The following FAT3 variants were observed in gnomAD, a reference collection of about 807,000 sequenced individuals.
FAT3 encodes FAT atypical cadherin 3.
FAT3 carries 95 observed loss-of-function variants against 310.2 expected under a neutral mutation model. The ratio of observed to expected loss-of-function variants is 0.31; its 90% CI spans 0.26 to 0.36. The LOEUF is 0.36. Ranked by LOEUF, FAT3 falls within the 10% of genes least tolerant of loss-of-function variation. The pLI is 1.00. For missense variants in FAT3, 5,408 were observed against 5,715.6 expected, an observed-to-expected ratio of 0.95 and a Z score of 1.74; for synonymous variants, 2,314 against 2,192.9, an observed-to-expected ratio of 1.06 and a Z score of -1.54.
At chr11:92,312,208 C>A (rs1397972250) in intron 1 of FAT3, among the ~76,000 whole-genome samples, 1 of 152,064 alleles carries the variant, frequency 6.6e-6, no homozygotes, top group Non-Finnish European at 1.5e-5. Context: ...CAGCTACTGC[C>A]TACAGGAATT....
intron 3 of FAT3, among the ~76,000 whole-genome samples, chr11:92,598,181 A>C (rs946042883): frequency 6.7e-6 from 1 of 149,132 alleles, no homozygotes; most frequent in African/African-American, 2.4e-5. Flanking sequence ...GGATTTTAAA[A>C]ATTTATTTTC....
intron 3 of FAT3, among the ~76,000 whole-genome samples, chr11:92,685,338 A>G (rs1019848860): frequency 6.6e-6 from 1 of 152,164 alleles, no homozygotes; most frequent in Non-Finnish European, 1.5e-5. Context: ...ACATGACACC[A>G]AAAAACATGG....
chr11:92,524,481 T>C (rs1187877314), intron 2 of FAT3, among the ~76,000 whole-genome samples, 153 bp from the exon 3 acceptor site: 1 of 152,228 alleles, frequency 6.6e-6, no homozygotes, highest in Non-Finnish European at 1.5e-5. Context: ...CATTTTCTTA[T>C]GTAAAGAGTG....
At chr11:92,637,924 C>G (rs1941826709) in intron 3 of FAT3, among the ~76,000 whole-genome samples, 1 of 152,162 alleles carries the variant, frequency 6.6e-6, no homozygotes, top group Non-Finnish European at 1.5e-5. Flanking sequence ...TCAGCAAAAG[C>G]CGCATGCTGT....
chr11:92,705,430 G>T (rs1405663742), intron 4 of FAT3, among the ~76,000 whole-genome samples: 1 of 142,244 alleles, frequency 7.0e-6, no homozygotes, highest in Non-Finnish European at 1.5e-5. Context: ...AGTGGTGGTG[G>T]TGGTGATGGT....
chr11:92,507,745 T>A (rs1953162100), intron 2 of FAT3, among the ~76,000 whole-genome samples: 1 of 151,834 alleles, frequency 6.6e-6, no homozygotes, highest in Non-Finnish European at 1.5e-5. Flanking sequence ...ATAGGATACA[T>A]ACACACCCTA....
intron 2 of FAT3, among the ~76,000 whole-genome samples, chr11:92,520,108 G>A (rs549779870): frequency 1.3e-5 from 2 of 151,924 alleles, no homozygotes; most frequent in African/African-American, 4.8e-5. Flanking sequence ...TTGGTCAGTG[G>A]TTAAAAAAAT....
rs1352292754 is a variant in FAT3 at position 92,887,033 on chromosome 11, G to T, written c.12971G>T (p.Cys4324Phe). 1 of 1,610,112 alleles carries T rather than the reference G, an allele frequency of 6.2e-7. No individual in the cohort carries two copies. The highest frequency in any genetic ancestry group is 1.3e-5 in the African/African-American group (1 of 74,916). The stretch of plus-strand genomic sequence containing the variant: ...GTTGATGACCCGGGAGAAGTGACCT[G>T]CTTTGCAGGTAGTAATAAAGGCAGC... ...KGVDDPGEVTCFAGSNKGSNS... is the reference protein window; with the variant it reads ...KGVDDPGEVTFFAGSNKGSNS... The change falls in exon 25 of 28, where the codon TGC (cysteine) becomes TTC (phenylalanine). Residue 4324 changes from cysteine to phenylalanine, a missense_variant. Physicochemically the swap from Cys to Phe is radical, Grantham distance 205. Transcript: ENST00000525166.
intron 19 of FAT3, among the ~76,000 whole-genome samples, chr11:92,856,518 G>A (rs1460340117): frequency 6.6e-6 from 1 of 152,128 alleles, no homozygotes; most frequent in Non-Finnish European, 1.5e-5. Flanking sequence ...TGCTTTCCAG[G>A]ATTTCCCTTC....
chr11:92,801,829 C>G lies in FAT3; in HGVS notation c.8816C>G (p.Pro2939Arg). ...GGGAATGTGAAGGAGAGCGACCCAC[C>G]GGGCGAGGTGGTAGCCGTCCTCAGC... ...YRGNVKESDP[P>R]GEVVAVLSTW... The change falls in exon 10 of 28, where the codon CCG (proline) becomes CGG (arginine). Residue 2939 changes from proline (P) to arginine (R), a missense_variant. Around this residue, in one of 5 missense-constraint regions of FAT3, gnomAD observed 4,588 missense variants for 4,809.8 expected, o/e 0.95. Coordinates refer to ENST00000525166, the MANE Select transcript of FAT3 (RefSeq NM_001367949.2). The G allele has an allele frequency of 6.2e-7, 1 of 1,613,926 alleles. No homozygotes were observed. The highest frequency in any genetic ancestry group is 8.5e-7 in the Non-Finnish European group (1 of 1,179,854).
At chr11:92,339,381 G>C (rs71473478) in intron 1 of FAT3, among the ~76,000 whole-genome samples, 15,781 of 152,198 alleles carry the variant, frequency 0.1, 896 homozygotes, top group South Asian at 0.16. Context: ...TAAGACATTT[G>C]TAGTTCATTA....
At chr11:92,647,297 T>C (rs1565484424) in intron 3 of FAT3, among the ~76,000 whole-genome samples, 1 of 152,142 alleles carries the variant, frequency 6.6e-6, no homozygotes, top group Non-Finnish European at 1.5e-5. Context: ...TAAAAGAACA[T>C]ATAGTTTAGG....
intron 2 of FAT3, among the ~76,000 whole-genome samples, chr11:92,474,363 CA>C (rs1431546717): frequency 6.6e-6 from 1 of 152,062 alleles, no homozygotes; most frequent in Non-Finnish European, 1.5e-5. Context: ...ATATGAAATA[CA>C]AAGGGTAATG....
rs1164806121 is a variant in FAT3, at chr11:92,801,256, C to T, written c.8243C>T (p.Pro2748Leu). The T allele has an allele frequency of 6.2e-7, 1 of 1,613,692 alleles. No homozygotes were observed. Among genetic ancestry groups the T allele is most frequent in the South Asian group, 1.1e-5 (1 of 91,060 alleles). ...VWFSTVNGER[P>L]ENNKGGIFVI... ...TTCAGCACAGTTAATGGGGAACGGC[C>T]AGAAAATAACAAAGGGGGCATATTC... Residue 2748 changes from proline (P) to leucine (L), a missense_variant, in exon 10 of 28, where the codon CCA becomes CTA. Physicochemically the swap from Pro to Leu is moderately conservative, Grantham distance 98 (BLOSUM62 -3). Around this residue, in one of 5 missense-constraint regions of FAT3, gnomAD observed 4,588 missense variants for 4,809.8 expected, o/e 0.95. Transcript: ENST00000525166.
intron 18 of FAT3, among the ~76,000 whole-genome samples, chr11:92,843,215 C>A (rs1948592976): frequency 6.6e-6 from 1 of 152,132 alleles, no homozygotes; most frequent in African/African-American, 2.4e-5. Flanking sequence ...CCCACCTGGT[C>A]TGCAGGGTTC....
chr11:92,884,754 G>A (rs1949760960), intron 24 of FAT3, among the ~76,000 whole-genome samples: 1 of 152,154 alleles, frequency 6.6e-6, no homozygotes, highest in Admixed American at 6.5e-5. Context: ...AGGGTTACCC[G>A]AGAGATGTCT....
chr11:92,749,833 C>G (rs1056527378), intron 4 of FAT3, among the ~76,000 whole-genome samples: 4 of 152,202 alleles, frequency 2.6e-5, no homozygotes, highest in African/African-American at 9.6e-5. Flanking sequence ...AGAGACTGTG[C>G]TCCTAGGGTC....
At chr11:92,508,024 C>T (rs1953174131) in intron 2 of FAT3, among the ~76,000 whole-genome samples, 1 of 152,050 alleles carries the variant, frequency 6.6e-6, no homozygotes, top group African/African-American at 2.4e-5. Context: ...GCACTTTTCC[C>T]ATCGTAGGCT....
chr11:92,463,767 A>G (rs958432716), intron 2 of FAT3, among the ~76,000 whole-genome samples: 1 of 152,198 alleles, frequency 6.6e-6, no homozygotes, highest in Non-Finnish European at 1.5e-5. Flanking sequence ...GGGCTTGTCA[A>G]CTACAGAACT....
Sources: allele counts gnomAD v4.1 joint callset (sites outside exome capture counted in the v4.1 genomes callset), GRCh38; gene constraint gnomAD v4.1.1; regional missense constraint gnomAD v4.1.1; transcripts MANE v1.5; gene names NCBI Gene and HGNC (gene_info 2026-07-23, HGNC 2026-07-21).